The following PBX1 variants were observed in gnomAD, a reference collection of about 807,000 sequenced individuals.
PBX1 encodes PBX homeobox 1.
In PBX1, 6 loss-of-function variants were observed where a neutral mutation model predicts 53.4. The ratio of observed to expected loss-of-function variants is 0.11; its 90% CI spans 0.06 to 0.22. The LOEUF is 0.22. PBX1 is among the 10% of genes least tolerant of loss of function. The pLI, the probability that PBX1 is intolerant of heterozygous loss-of-function variation, is 1.00. For missense variants in PBX1, 251 were observed against 551.4 expected (o/e 0.46, Z 5.46); for synonymous variants, 204 against 212.3 (o/e 0.96, Z 0.34).
chr1:164,718,462 C>A (rs1169720445), intron 2 of PBX1, among the ~76,000 whole-genome samples: 1 of 152,162 alleles, frequency 6.6e-6, no homozygotes, highest in Non-Finnish European at 1.5e-5. Context: ...AGGACTAACT[C>A]TGGTACATAT....
chr1:164,646,412 T>G (rs572451364), intron 2 of PBX1, among the ~76,000 whole-genome samples: 1 of 152,300 alleles, frequency 6.6e-6, no homozygotes, highest in African/African-American at 2.4e-5. Context: ...CCACATACAT[T>G]ATGGAATCAA....
At chr1:164,884,836 T>C (rs1331347203) in intron 2 of PBX1, among the ~76,000 whole-genome samples, 2 of 152,220 alleles carry the variant, frequency 1.3e-5, no homozygotes, top group Admixed American at 1.3e-4. Context: ...AAATAATCAC[T>C]TTTAAGCATT....
At chr1:164,681,592 T>C (rs909802123) in intron 2 of PBX1, among the ~76,000 whole-genome samples, 1 of 152,208 alleles carries the variant, frequency 6.6e-6, no homozygotes, top group Non-Finnish European at 1.5e-5. Flanking sequence ...CAGTAACCTG[T>C]TGAAGCCAGA....
At chr1:164,746,683 C>T (rs891989522) in intron 2 of PBX1, among the ~76,000 whole-genome samples, 1 of 152,206 alleles carries the variant, frequency 6.6e-6, no homozygotes, top group Non-Finnish European at 1.5e-5. Flanking sequence ...GCTGGGATTA[C>T]AGCCATGAGC....
intron 2 of PBX1, chr1:164,787,741 C>G (rs552204920): frequency 1.3e-5 from 2 of 152,210 alleles, no homozygotes; most frequent in Non-Finnish European, 2.9e-5. Flanking sequence ...CCAGGGCAAG[C>G]GATGGCAGCA....
intron 8 of PBX1, among the ~76,000 whole-genome samples, chr1:164,838,211 A>G (rs1178134472): frequency 6.6e-6 from 1 of 152,170 alleles, no homozygotes; most frequent in Non-Finnish European, 1.5e-5. Flanking sequence ...TTGTTTTCAT[A>G]CCGTGTGAAC....
At chr1:164,761,129 C>T (rs1351187957) in intron 2 of PBX1, among the ~76,000 whole-genome samples, 1 of 152,178 alleles carries the variant, frequency 6.6e-6, no homozygotes, top group African/African-American at 2.4e-5. Flanking sequence ...CTCCTCCATA[C>T]CCTTAAAAGT....
intron 2 of PBX1, among the ~76,000 whole-genome samples, chr1:164,748,925 G>A (rs1666045745): frequency 6.6e-6 from 1 of 152,118 alleles, no homozygotes; most frequent in African/African-American, 2.4e-5. Context: ...CAGAAATGTA[G>A]GAGGAAGCCA....
intron 8 of PBX1, among the ~76,000 whole-genome samples, chr1:164,835,113 T>G (rs947528287): frequency 6.6e-6 from 1 of 152,168 alleles, no homozygotes; most frequent in Non-Finnish European, 1.5e-5. Flanking sequence ...ATGAATATTT[T>G]CCATATCATT....
chr1:164,715,587 A>G (rs1376554415), intron 2 of PBX1, among the ~76,000 whole-genome samples: 1 of 152,182 alleles, frequency 6.6e-6, no homozygotes, highest in African/African-American at 2.4e-5. Context: ...GTTGTTGTCT[A>G]GTGCTTAGAA....
At chr1:164,785,670 C>T (rs564646043) in intron 2 of PBX1, among the ~76,000 whole-genome samples, 4 of 152,342 alleles carry the variant, frequency 2.6e-5, no homozygotes, top group African/African-American at 9.6e-5. Context: ...ATATCTGGGT[C>T]ATCCAAGGTC....
intron 2 of PBX1, among the ~76,000 whole-genome samples, chr1:164,689,139 G>T (rs1010112159): frequency 6.6e-6 from 1 of 152,202 alleles, no homozygotes; most frequent in African/African-American, 2.4e-5. Flanking sequence ...TGGGTACGCT[G>T]ACAATACATT....
chr1:164,818,601 A>G (rs1180763975), intron 6 of PBX1: 1 of 151,888 alleles, frequency 6.6e-6, no homozygotes. Context: ...TTGCATGCAA[A>G]TGAACATCCC....
intron 3 of PBX1, among the ~76,000 whole-genome samples, chr1:164,795,174 A>T (rs1233170323): frequency 6.6e-6 from 1 of 152,168 alleles, no homozygotes; most frequent in Non-Finnish European, 1.5e-5. Flanking sequence ...GAGGAAATGG[A>T]GATGAAAGAG....
intron 2 of PBX1, among the ~76,000 whole-genome samples, chr1:164,582,711 A>G (rs991895730): frequency 3.3e-5 from 5 of 152,150 alleles, no homozygotes; most frequent in African/African-American, 1.2e-4. Context: ...AGTGTGAGCC[A>G]CCGTGCCCGG....
chr1:164,845,358 G>T (rs114984873), intron 8 of PBX1, among the ~76,000 whole-genome samples: 3,011 of 141,238 alleles, frequency 0.021, 35 homozygotes, highest in Admixed American at 0.035. Context: ...GAGTATGCAA[G>T]AGTTGAAGTG....
At chr1:164,742,393 T>C (rs1665659699) in intron 2 of PBX1, among the ~76,000 whole-genome samples, 1 of 152,054 alleles carries the variant, frequency 6.6e-6, no homozygotes, top group Non-Finnish European at 1.5e-5. Context: ...AATACAAAAA[T>C]TAGCCAGGCA....
chr1:164,740,627 T>C (rs1200237133), intron 2 of PBX1, among the ~76,000 whole-genome samples: 3 of 152,186 alleles, frequency 2.0e-5, no homozygotes, highest in Non-Finnish European at 4.4e-5. Context: ...GTGCCAGATA[T>C]TGTGTTAGGT....
At chr1:164,719,125 A>G (rs1352069233) in intron 2 of PBX1, among the ~76,000 whole-genome samples, 1 of 152,054 alleles carries the variant, frequency 6.6e-6, no homozygotes. Context: ...AGGAGCTGCA[A>G]AAGAGACCTA....
Sources: gnomAD v4.1 joint callset for allele counts (sites outside exome capture counted in the v4.1 genomes callset) on GRCh38, gnomAD v4.1.1 for gene constraint, MANE v1.5 for transcripts, NCBI Gene and HGNC (gene_info 2026-07-23, HGNC 2026-07-21) for gene names.